DYM: variants seen among roughly 807,000 people sequenced by gnomAD.
DYM encodes dyggve-Melchior-Clausen syndrome protein.
Under a neutral mutation model 93.1 loss-of-function variants are expected in DYM, and 78 were observed. The ratio of observed to expected loss-of-function variants is 0.84; its 90% CI spans 0.70 to 1.01. The LOEUF is 1.01. DYM is among the 50% of genes least tolerant of loss of function. The pLI, the probability that DYM is intolerant of heterozygous loss-of-function variation, is 0.00. For synonymous variants in DYM, 321 were observed against 319.7 expected (o/e 1.00, Z -0.04); for missense variants, 789 against 845.0 (o/e 0.93, Z 0.82).
At chr18:49,255,955 G>C (rs2094385696) in intron 13 of DYM, among the ~76,000 whole-genome samples, 1 of 151,392 alleles carries the variant, frequency 6.6e-6, no homozygotes, top group Admixed American at 6.6e-5. Context: ...GTGGTGGCGG[G>C]CACCTGTAGT....
chr18:49,255,851 T>C (rs2094383435), intron 13 of DYM, among the ~76,000 whole-genome samples: 1 of 152,068 alleles, frequency 6.6e-6, no homozygotes, highest in South Asian at 2.1e-4. Flanking sequence ...TATTCACTTA[T>C]GACTGGTTAG....
chr18:49,326,992 C>CGTGTGT (rs10584298), intron 8 of DYM, among the ~76,000 whole-genome samples: 144 of 93,372 alleles, frequency 1.5e-3, no homozygotes, highest in African/African-American at 4.2e-3. Flanking sequence ...TTTAAAAAAC[C>CGTGTGT]GTGTGTGTGT....
intron 17 of DYM, among the ~76,000 whole-genome samples, chr18:49,089,409 A>C (rs1399929402): frequency 6.6e-6 from 1 of 152,248 alleles, no homozygotes; most frequent in Non-Finnish European, 1.5e-5. Context: ...TTTGGGTTAC[A>C]TGTAAAATAT....
chr18:49,087,895 C>T (rs1280381751), intron 17 of DYM, among the ~76,000 whole-genome samples: 1 of 152,034 alleles, frequency 6.6e-6, no homozygotes, highest in Non-Finnish European at 1.5e-5. Context: ...TTTCATGTGT[C>T]TTTTGGCTGC....
rs1403080195 is a variant in DYM at position 49,440,528 on chromosome 18, T to C, written c.-53-10081A>G. Among the ~76,000 whole-genome samples the C allele has an allele frequency of 3.4e-4, 10 of 29,078 alleles. 2 individuals are homozygous for C. In the East Asian group the frequency reaches 0.022, roughly 63 times the overall value. The allele number at this position is 29,078 out of a possible 152,430, so 19.1% of individuals were successfully genotyped here. A position where few individuals can be genotyped will look rare whatever the true frequency, so the allele number is the denominator to read the frequency against. ...CTATATATTATATATTTATATAATATATGACTATATATTATATATTTATAT... is the reference window on the plus strand; with the variant it reads ...CTATATATTATATATTTATATAATACATGACTATATATTATATATTTATAT... On this transcript the variant is annotated intron_variant, in intron 1 of 17. Transcript: ENST00000675505.
intron 14 of DYM, among the ~76,000 whole-genome samples, chr18:49,201,886 C>T (rs999468337): frequency 6.6e-6 from 1 of 152,130 alleles, no homozygotes; most frequent in African/African-American, 2.4e-5. Flanking sequence ...GATTTTTTCC[C>T]AATGGTATTA....
At chr18:49,213,021 C>T (rs2092858867) in intron 13 of DYM, among the ~76,000 whole-genome samples, 1 of 152,064 alleles carries the variant, frequency 6.6e-6, no homozygotes, top group African/African-American at 2.4e-5. Context: ...ATTACTTTCA[C>T]AAAAATAAAA....
intron 13 of DYM, among the ~76,000 whole-genome samples, chr18:49,244,944 G>A (rs145921134): frequency 1.6e-3 from 247 of 152,274 alleles, no homozygotes; most frequent in African/African-American, 5.8e-3. Flanking sequence ...TCAGGGACCC[G>A]GAACAGAGGG....
At chr18:49,062,114 C>G (rs951839656) in intron 17 of DYM, among the ~76,000 whole-genome samples, 1 of 152,270 alleles carries the variant, frequency 6.6e-6, no homozygotes, top group Non-Finnish European at 1.5e-5. Flanking sequence ...AGCAAGCTGT[C>G]TGGAAGGCTT....
In DYM at chr18:49,381,243, G is replaced by GA. The variant is rs563482302; in HGVS notation, c.194-1486dup. Among the ~76,000 whole-genome samples the GA allele has an allele frequency of 1.8e-4, 27 of 151,800 alleles. 1 individual carries two copies. The South Asian group carries it at 5.4e-3, about 30-fold the overall frequency. ...AACTTACTGAAATGTGTCAAGATTT[G>GA]AAAAAAATGAAGTTTTCCAGAATAT... On this transcript the variant is annotated intron_variant, in intron 3 of 17. Coordinates refer to ENST00000675505, the MANE Select transcript of DYM (RefSeq NM_001353214.3).
intron 17 of DYM, among the ~76,000 whole-genome samples, chr18:49,088,636 G>A (rs2078775528): frequency 6.6e-6 from 1 of 151,648 alleles, no homozygotes; most frequent in Admixed American, 6.6e-5. Context: ...ACATTTCAAA[G>A]GTTACTCTAC....
intron 13 of DYM, among the ~76,000 whole-genome samples, chr18:49,220,155 T>A (rs1445464127): frequency 6.6e-6 from 1 of 152,092 alleles, no homozygotes; most frequent in Non-Finnish European, 1.5e-5. Flanking sequence ...CCATTCACAA[T>A]TGCTTCAAAG....
intron 8 of DYM, among the ~76,000 whole-genome samples, chr18:49,310,924 TTAATA>T (rs1441994318): frequency 2.6e-5 from 4 of 152,200 alleles, no homozygotes; most frequent in African/African-American, 7.2e-5. Context: ...AATAATTACA[TTAATA>T]TATTTTATTT....
At chr18:49,458,539 C>T (rs1015705576) in intron 1 of DYM, among the ~76,000 whole-genome samples, 1 of 151,984 alleles carries the variant, frequency 6.6e-6, no homozygotes, top group Non-Finnish European at 1.5e-5. Context: ...GTATTCTGGG[C>T]CTATTAAAAA....
At chr18:49,380,196 A>C (rs1306900046) in intron 3 of DYM, among the ~76,000 whole-genome samples, 1 of 152,224 alleles carries the variant, frequency 6.6e-6, no homozygotes, top group Non-Finnish European at 1.5e-5. Context: ...TTTGAATGAA[A>C]AATTAAGAAA....
At chr18:49,280,503 C>A (rs566105651) in intron 10 of DYM, among the ~76,000 whole-genome samples, 1 of 152,230 alleles carries the variant, frequency 6.6e-6, no homozygotes, top group South Asian at 2.1e-4. Flanking sequence ...ATGGCAGCGA[C>A]CGAGATGATT....
At chr18:49,157,130 G>A (rs72923816) in intron 15 of DYM, among the ~76,000 whole-genome samples, 1 of 151,998 alleles carries the variant, frequency 6.6e-6, no homozygotes, top group Non-Finnish European at 1.5e-5. Flanking sequence ...TGGGGTTCAG[G>A]TACACGCTGT....
chr18:49,289,766 TATATATAC>T (rs1463775452), intron 8 of DYM, among the ~76,000 whole-genome samples: 4 of 48,660 alleles, frequency 8.2e-5, no homozygotes, highest in South Asian at 6.6e-4. Context: ...TATATATATA[TATATATAC>T]ACATATATAT....
chr18:49,271,765 G>A (rs1389398203), intron 11 of DYM, among the ~76,000 whole-genome samples: 1 of 151,864 alleles, frequency 6.6e-6, no homozygotes, highest in Non-Finnish European at 1.5e-5. Context: ...GTTAAATTAT[G>A]TTATGTTCTT....
Sources: gnomAD v4.1 joint callset for allele counts (sites outside exome capture counted in the v4.1 genomes callset) on GRCh38, gnomAD v4.1.1 for gene constraint, MANE v1.5 for transcripts, NCBI Gene and HGNC (gene_info 2026-07-23, HGNC 2026-07-21) for gene names.